The following WDR25 variants were observed in gnomAD, a reference collection of about 807,000 sequenced individuals.
WDR25 encodes WD repeat domain 25.
WDR25 carries 35 observed loss-of-function variants against 47.7 expected under a neutral mutation model. That is an observed-to-expected ratio of 0.73 (90% CI 0.56 to 0.97). The LOEUF is 0.97. WDR25 is among the 50% of genes least tolerant of loss of function. WDR25 has a pLI of 0.00. For missense variants in WDR25, 634 were observed against 704.7 expected, an observed-to-expected ratio of 0.90 and a Z score of 1.14; for synonymous variants, 248 against 278.9, an observed-to-expected ratio of 0.89 and a Z score of 1.10.
At chr14:100,475,482 A>G (rs1050609089) in intron 3 of WDR25, among the ~76,000 whole-genome samples, 1 of 152,350 alleles carries the variant, frequency 6.6e-6, no homozygotes, top group East Asian at 1.9e-4. Flanking sequence ...TTTTGACAAC[A>G]TGGGTGAACC....
rs1040108934 is a variant in WDR25, at chr14:100,376,827, G to A, written c.-16+332G>A. ...GACAAAGAGTACGTAATCAGGAAAT[G>A]TTTGTTGAATGGGAATATCCTATTT... On this transcript the variant is annotated intron_variant, in intron 1 of 6. Coordinates refer to ENST00000402312, the MANE Select transcript of WDR25 (RefSeq NM_001161476.3). 1.2e-5 allele frequency: 13 copies of A among 1,069,366 alleles called. No homozygotes were observed. In the Admixed American group the frequency reaches 3.9e-4, roughly 32 times the overall value. 66.2% of individuals were successfully genotyped at this position (1,069,366 alleles called of 1,614,324 possible).
At chr14:100,470,997 C>G (rs1053558915) in intron 3 of WDR25, among the ~76,000 whole-genome samples, 1 of 152,186 alleles carries the variant, frequency 6.6e-6, no homozygotes, top group Non-Finnish European at 1.5e-5. Flanking sequence ...TTCGTTCACT[C>G]CGCAGTTGCT....
chr14:100,403,550 C>T (rs1184221479), intron 2 of WDR25, among the ~76,000 whole-genome samples: 1 of 152,218 alleles, frequency 6.6e-6, no homozygotes, highest in Non-Finnish European at 1.5e-5. Context: ...GCCCGCAGGG[C>T]TGTTGTGTAT....
At position 100,525,886 on chromosome 14, in the gene WDR25, A is replaced by G. The variant is rs901960229; in HGVS notation, c.1118A>G (p.Lys373Arg). 9.9e-6 allele frequency: 16 copies of G among 1,613,718 alleles called. No homozygotes were observed. Among genetic ancestry groups the G allele is most frequent in the East Asian group, 2.2e-5 (1 of 44,894 alleles). ...IRTGKVMRSY[K>R]ATIQQTLDIL... ...CTCTTGCAGGTGATGAGAAGCTACA[A>G]GGCGACCATCCAGCAGACCTTGGAC... is the stretch of plus-strand genomic sequence containing the variant. Residue 373 changes from lysine to arginine, a missense_variant, in exon 5 of 7, where the codon AAG becomes AGG. Coordinates refer to ENST00000402312, the MANE Select transcript of WDR25 (RefSeq NM_001161476.3). The surrounding 1 kb of genome is among the most constrained non-coding windows in gnomAD (Gnocchi z 4.6).
intron 4 of WDR25, among the ~76,000 whole-genome samples, chr14:100,505,047 T>C (rs1294708380): frequency 6.6e-6 from 1 of 152,204 alleles, no homozygotes; most frequent in African/African-American, 2.4e-5. Flanking sequence ...CTGTTCAAAG[T>C]ATTTGCCTAT....
chr14:100,439,623 G>T (rs573522565), intron 2 of WDR25, among the ~76,000 whole-genome samples: 1 of 152,346 alleles, frequency 6.6e-6, no homozygotes, highest in African/African-American at 2.4e-5. Context: ...TGGAAGGACA[G>T]CTGGGCAGCC....
intron 3 of WDR25, among the ~76,000 whole-genome samples, chr14:100,474,617 T>C (rs1371760855): frequency 3.3e-5 from 5 of 152,222 alleles, no homozygotes; most frequent in Non-Finnish European, 7.3e-5. Flanking sequence ...ACCAACTTAC[T>C]AGTAAAGCAC....
At position 100,424,545 on chromosome 14, in the gene WDR25, C is replaced by T. The variant is rs1167897401; in HGVS notation, c.822+42799C>T. On this transcript the variant is annotated intron_variant, in intron 2 of 6. Coordinates refer to ENST00000402312, the MANE Select transcript of WDR25 (RefSeq NM_001161476.3). The surrounding 1 kb of genome is among the most constrained non-coding windows in gnomAD (Gnocchi z 4.2). The stretch of plus-strand genomic sequence containing the variant: ...AGGCCCCACACCAGGTGTGACATGC[C>T]TGTGCTCAGCCAAGGGGTTTAACTG... Among the ~76,000 whole-genome samples the T allele has an allele frequency of 6.6e-6, 1 of 152,196 alleles. No individual in the cohort carries two copies. Among genetic ancestry groups the T allele is most frequent in the African/African-American group, 2.4e-5 (1 of 41,458 alleles).
intron 4 of WDR25, among the ~76,000 whole-genome samples, chr14:100,516,082 T>C (rs1022640364): frequency 6.6e-6 from 1 of 152,150 alleles, no homozygotes; most frequent in African/African-American, 2.4e-5. Flanking sequence ...TGAATTTTAC[T>C]TTTTGGGTAT....
chr14:100,486,440 G>A (rs1595138023), intron 4 of WDR25, among the ~76,000 whole-genome samples: 1 of 152,206 alleles, frequency 6.6e-6, no homozygotes, highest in East Asian at 1.9e-4. Flanking sequence ...TAAGGGATCT[G>A]TGCAGTATTT....
intron 2 of WDR25, among the ~76,000 whole-genome samples, chr14:100,447,481 C>G (rs1438932931): frequency 6.6e-6 from 1 of 152,192 alleles, no homozygotes; most frequent in Admixed American, 6.5e-5. Context: ...AGCTCTCTTC[C>G]GGTCTCTGGC....
chr14:100,511,651 A>G (rs1215807721), intron 4 of WDR25, among the ~76,000 whole-genome samples: 2 of 151,592 alleles, frequency 1.3e-5, no homozygotes, highest in Non-Finnish European at 2.9e-5. Context: ...AGTGTTGTCT[A>G]GAAGTGGTGA....
intron 2 of WDR25, among the ~76,000 whole-genome samples, chr14:100,419,754 A>G (rs571307504): frequency 2.6e-5 from 4 of 152,358 alleles, no homozygotes; most frequent in Non-Finnish European, 4.4e-5. Context: ...CGTCTAATCT[A>G]TCTAATCTGT....
At chr14:100,444,293 C>A (rs940302454) in intron 2 of WDR25, among the ~76,000 whole-genome samples, 3 of 152,200 alleles carry the variant, frequency 2.0e-5, no homozygotes, top group Admixed American at 2.0e-4. Flanking sequence ...TCGAAGGTAG[C>A]AGTTTGTCCT....
intron 2 of WDR25, among the ~76,000 whole-genome samples, chr14:100,451,033 G>A (rs1260051088): frequency 6.6e-6 from 1 of 152,194 alleles, no homozygotes; most frequent in Non-Finnish European, 1.5e-5. Context: ...GGAGCTGGGA[G>A]ACTAGAGGTG....
chr14:100,423,720 T>A lies in WDR25; in HGVS notation c.822+41974T>A, dbSNP rs757283309. ...CTATTTGCAGCGTGCTGGAGAACATTATCTTCTCTGCTTCCCTCCTAAGGG... is the reference window on the plus strand; with the variant it reads ...CTATTTGCAGCGTGCTGGAGAACATAATCTTCTCTGCTTCCCTCCTAAGGG... On this transcript the variant is annotated intron_variant, in intron 2 of 6. Transcript: ENST00000402312. Among the ~76,000 whole-genome samples the A allele has an allele frequency of 4.3e-4, 65 of 152,306 alleles. 1 individual carries two copies. The Middle Eastern group carries it at 0.01, about 24-fold the overall frequency.
intron 2 of WDR25, among the ~76,000 whole-genome samples, chr14:100,459,911 T>TATATATATATATATATATAC: frequency 1.1e-5 from 1 of 89,774 alleles, no homozygotes; most frequent in African/African-American, 5.2e-5. Context: ...TATATATATA[T>TATATATATATATATATATAC]ATATATATAT....
chr14:100,411,515 A>T (rs535876316), intron 2 of WDR25, among the ~76,000 whole-genome samples: 2 of 150,476 alleles, frequency 1.3e-5, no homozygotes, highest in Admixed American at 1.3e-4. Flanking sequence ...TCTGTTCCAC[A>T]TTGATTTTCA....
chr14:100,419,386 G>A lies in WDR25; in HGVS notation c.822+37640G>A, dbSNP rs1897967094. On this transcript the variant is annotated intron_variant, in intron 2 of 6. Transcript: ENST00000402312. ...GTTCAGATGAACAGTGTTTAGAATT[G>A]TTGAATGCTCTGTTGGAAAACAGAA... 3.9e-5 allele frequency among the ~76,000 whole-genome samples: 6 copies of A among 152,200 alleles called. No individual in the cohort carries two copies. The South Asian group carries it at 1.2e-3, about 32-fold the overall frequency.
Sources: gnomAD v4.1 joint callset for allele counts (sites outside exome capture counted in the v4.1 genomes callset) on GRCh38, gnomAD v4.1.1 for gene constraint, Gnocchi (gnomAD v3.1) non-coding constraint, MANE v1.5 for transcripts, NCBI Gene and HGNC (gene_info 2026-07-23, HGNC 2026-07-21) for gene names.